MACROD2: variants seen among roughly 807,000 people sequenced by gnomAD.
MACROD2 encodes mono-ADP ribosylhydrolase 2.
MACROD2 carries 36 observed loss-of-function variants against 70.4 expected under a neutral mutation model. The ratio of observed to expected loss-of-function variants is 0.51; its 90% CI spans 0.39 to 0.68. The LOEUF (loss-of-function observed/expected upper bound fraction) is 0.68. MACROD2 is among the 30% of genes least tolerant of loss of function. The pLI, the probability that MACROD2 is intolerant of heterozygous loss-of-function variation, is 0.00. For missense variants in MACROD2, 496 were observed against 538.4 expected (o/e 0.92, Z 0.78); for synonymous variants, 172 against 178.8 (o/e 0.96, Z 0.30).
At chr20:15,064,800 T>C (rs1176878820) in intron 5 of MACROD2, among the ~76,000 whole-genome samples, 1 of 152,212 alleles carries the variant, frequency 6.6e-6, no homozygotes, top group Non-Finnish European at 1.5e-5. Flanking sequence ...CACTTGGTCT[T>C]TGTGTTGTAT....
intron 3 of MACROD2, among the ~76,000 whole-genome samples, chr20:14,311,717 C>G (rs755077082): frequency 3.9e-5 from 6 of 152,040 alleles, no homozygotes; most frequent in Non-Finnish European, 5.9e-5. Flanking sequence ...GGGGTTTCAC[C>G]ATGTTGGCCA....
intron 10 of MACROD2, among the ~76,000 whole-genome samples, chr20:15,917,340 T>C (rs999206683): frequency 6.6e-6 from 1 of 152,220 alleles, no homozygotes; most frequent in Admixed American, 6.5e-5. Context: ...AATGTGGTAC[T>C]GTCAGAGAAG....
intron 5 of MACROD2, among the ~76,000 whole-genome samples, chr20:15,189,557 G>A (rs750150724): frequency 6.6e-5 from 10 of 152,080 alleles, no homozygotes; most frequent in African/African-American, 9.7e-5. Context: ...TTCTAAAATA[G>A]GCTATTACAA....
At position 14,287,427 on chromosome 20, in the gene MACROD2, T is replaced by C. The variant is rs189731688; in HGVS notation, c.271+201699T>C. Among the ~76,000 whole-genome samples, 8 of 144,670 alleles carry C rather than the reference T, an allele frequency of 5.5e-5. No individual in the cohort carries two copies. In the East Asian group the frequency reaches 1.6e-3, roughly 29 times the overall value. The allele number at this position is 144,670 out of a possible 152,430, so 94.9% of individuals were successfully genotyped here. ...ATGATGATGATGATCATGGTGATGATGATCATTGCAGCCTACGTTTATCAA... is the reference window on the plus strand; with the variant it reads ...ATGATGATGATGATCATGGTGATGACGATCATTGCAGCCTACGTTTATCAA... On this transcript the variant is annotated intron_variant, in intron 3 of 17. Transcript: ENST00000684519.
At chr20:14,858,434 G>C (rs6079583) in intron 5 of MACROD2, among the ~76,000 whole-genome samples, 6,865 of 152,108 alleles carry the variant, frequency 0.045, 277 homozygotes, top group Non-Finnish European at 0.06. Context: ...AAAACTTACT[G>C]TGTGACTTTG....
At chr20:15,952,134 C>G (rs2065915109) in intron 12 of MACROD2, among the ~76,000 whole-genome samples, 1 of 146,562 alleles carries the variant, frequency 6.8e-6, no homozygotes, top group African/African-American at 2.5e-5. Context: ...TAAGATGTCA[C>G]TTGCTCCTCC....
chr20:15,668,957 C>T (rs2049940582), intron 8 of MACROD2, among the ~76,000 whole-genome samples: 1 of 152,128 alleles, frequency 6.6e-6, no homozygotes, highest in Admixed American at 6.5e-5. Flanking sequence ...TTGAGTGGAG[C>T]ATGACCTAGA....
At chr20:15,811,626 T>C (rs1056368231) in intron 8 of MACROD2, among the ~76,000 whole-genome samples, 2 of 152,110 alleles carry the variant, frequency 1.3e-5, no homozygotes, top group Non-Finnish European at 2.9e-5. Context: ...TGATCTCTTT[T>C]ATTTGATCTT....
At chr20:15,876,091 T>TTATATATATATATATATATATATATA (rs752542911) in intron 9 of MACROD2, among the ~76,000 whole-genome samples, 17 of 33,078 alleles carry the variant, frequency 5.1e-4, no homozygotes, top group East Asian at 2.0e-3. Context: ...TACATGTCTT[T>TTATATATATATATATATATATATATA]TATATATATA....
chr20:14,477,737 T>A (rs2084614069), intron 3 of MACROD2, among the ~76,000 whole-genome samples: 1 of 151,854 alleles, frequency 6.6e-6, no homozygotes, highest in African/African-American at 2.4e-5. Flanking sequence ...TCATTGGAGG[T>A]TTGAAGTCTA....
rs186577842 is a variant in MACROD2, at chr20:15,193,915, T to C, written c.419-36025T>C. ...GTTGCTGAATCTTTCCATGCTTCAA[T>C]TGGGGGAGAAAATTGTTTATACTGT... On this transcript the variant is annotated intron_variant, in intron 5 of 17. Coordinates refer to ENST00000684519, the MANE Select transcript of MACROD2 (RefSeq NM_001351661.2). Among the ~76,000 whole-genome samples the C allele has an allele frequency of 1.7e-3, 252 of 151,974 alleles. 1 individual carries two copies. The highest frequency in any genetic ancestry group is 0.016 in the South Asian group (75 of 4,780).
intron 3 of MACROD2, among the ~76,000 whole-genome samples, chr20:14,490,594 A>AT (rs2084783339): frequency 6.6e-6 from 1 of 152,146 alleles, no homozygotes; most frequent in Non-Finnish European, 1.5e-5. Context: ...CAGAGAAGAG[A>AT]TTTTTAAATC....
At chr20:14,930,184 A>G (rs1422559255) in intron 5 of MACROD2, among the ~76,000 whole-genome samples, 2 of 151,894 alleles carry the variant, frequency 1.3e-5, no homozygotes, top group African/African-American at 2.4e-5. Flanking sequence ...AGAAATGTAC[A>G]TGAGTTTTGT....
intron 5 of MACROD2, among the ~76,000 whole-genome samples, chr20:14,897,620 C>G (rs997045096): frequency 2.0e-5 from 3 of 151,868 alleles, no homozygotes; most frequent in African/African-American, 7.3e-5. Flanking sequence ...TTGACTTTGG[C>G]TCATTTAAAT....
intron 3 of MACROD2, among the ~76,000 whole-genome samples, chr20:14,152,332 G>C (rs2055035940): frequency 6.6e-6 from 1 of 151,880 alleles, no homozygotes; most frequent in Non-Finnish European, 1.5e-5. Context: ...TATCATATTT[G>C]ACAGTAGTAT....
chr20:14,480,241 A>G (rs577172821), intron 3 of MACROD2, among the ~76,000 whole-genome samples: 1 of 152,334 alleles, frequency 6.6e-6, no homozygotes, highest in Admixed American at 6.5e-5. Context: ...CAGAACAGCC[A>G]CAAACAGTGA....
intron 3 of MACROD2, among the ~76,000 whole-genome samples, chr20:14,284,881 G>A (rs1462704544): frequency 6.6e-6 from 1 of 152,070 alleles, no homozygotes; most frequent in Admixed American, 6.6e-5. Flanking sequence ...AAATAACTTG[G>A]TAATGTTACA....
chr20:15,352,287 T>C (rs562189974), intron 6 of MACROD2, among the ~76,000 whole-genome samples: 6 of 152,314 alleles, frequency 3.9e-5, no homozygotes, highest in African/African-American at 1.2e-4. Context: ...CCAAACACCC[T>C]GTACCTAAGC....
chr20:15,185,400 A>C (rs932191702), intron 5 of MACROD2, among the ~76,000 whole-genome samples: 1 of 152,186 alleles, frequency 6.6e-6, no homozygotes, highest in Non-Finnish European at 1.5e-5. Context: ...CAAATAATTC[A>C]CAACATTTAG....
Sources: gnomAD v4.1 joint callset for allele counts (sites outside exome capture counted in the v4.1 genomes callset) on GRCh38, gnomAD v4.1.1 for gene constraint, MANE v1.5 for transcripts, NCBI Gene and HGNC (gene_info 2026-07-23, HGNC 2026-07-21) for gene names.